Variants in WWOX observed in about 807,000 individuals in gnomAD.
WWOX encodes WW domain containing oxidoreductase, also known as WW domain-containing oxidoreductase.
Under a neutral mutation model 46.2 loss-of-function variants are expected in WWOX, and 69 were observed. The ratio of observed to expected loss-of-function variants is 1.49; its 90% CI spans 1.23 to 1.82. The LOEUF (loss-of-function observed/expected upper bound fraction) is 1.82, where lower values mean the gene tolerates loss of function less well. WWOX is among the 40% of genes most tolerant of loss of function. The pLI is 0.00. For synonymous variants in WWOX, 359 were observed against 202.6 expected (o/e 1.77, Z -6.56); for missense variants, 919 against 542.6 (o/e 1.69, Z -6.89).
rs59900108 is a variant in WWOX at position 78,541,473 on chromosome 16, CAAAAAAAAAAAAAAAAA to C, written c.1056+108738_1056+108754del. 1.2e-3 allele frequency among the ~76,000 whole-genome samples: 56 copies of C among 45,146 alleles called. 2 individuals carry two copies. Among genetic ancestry groups the C allele is most frequent in the Non-Finnish European group, 1.6e-3 (46 of 28,890 alleles). The allele number at this position is 45,146 out of a possible 152,430, so 29.6% of individuals were successfully genotyped here. On this transcript the variant is annotated intron_variant, in intron 8 of 8. Transcript: ENST00000566780. ...TGGGCGACAGAGCGAGACTCCGTCT[CAAAAAAAAAAAAAAAAA>C]AAAAAAAAAAAAAAAAGACACGTAC...
intron 8 of WWOX, among the ~76,000 whole-genome samples, chr16:78,964,199 C>G (rs1033785022): frequency 2.0e-5 from 3 of 152,072 alleles, no homozygotes; most frequent in Admixed American, 6.5e-5. Context: ...AACTGGGTAA[C>G]AGGAAGAAGT....
intron 5 of WWOX, among the ~76,000 whole-genome samples, chr16:78,376,772 C>G (rs571169944): frequency 2.2e-4 from 33 of 152,294 alleles, no homozygotes; most frequent in Non-Finnish European, 3.8e-4. Context: ...AGAATGGCCT[C>G]TGGTTGAGAA....
At chr16:78,860,561 T>G (rs896797266) in intron 8 of WWOX, among the ~76,000 whole-genome samples, 2 of 152,186 alleles carry the variant, frequency 1.3e-5, no homozygotes, top group African/African-American at 4.8e-5. Flanking sequence ...GGAAAGATAC[T>G]GTGAAAAAGA....
intron 8 of WWOX, among the ~76,000 whole-genome samples, chr16:79,050,283 C>T (rs1371968202): frequency 6.6e-6 from 1 of 152,176 alleles, no homozygotes; most frequent in East Asian, 1.9e-4. Flanking sequence ...ATCTTTGCAT[C>T]AGCTGGGCTT....
chr16:78,798,089 C>CA (rs2050791189), intron 8 of WWOX, among the ~76,000 whole-genome samples: 1 of 152,144 alleles, frequency 6.6e-6, no homozygotes, highest in Non-Finnish European at 1.5e-5. Context: ...AGCTGAGGTT[C>CA]AGAGAGATGG....
At chr16:78,746,466 C>G (rs2049349107) in intron 8 of WWOX, among the ~76,000 whole-genome samples, 1 of 152,170 alleles carries the variant, frequency 6.6e-6, no homozygotes, top group Non-Finnish European at 1.5e-5. Context: ...CCACTACACT[C>G]CAGTACACTC....
At chr16:78,511,815 C>T (rs1473026459) in intron 8 of WWOX, among the ~76,000 whole-genome samples, 3 of 152,128 alleles carry the variant, frequency 2.0e-5, no homozygotes, top group African/African-American at 7.2e-5. Context: ...CATGGGATGG[C>T]TTTTGTCAGA....
chr16:78,674,062 C>G (rs933115244), intron 8 of WWOX, among the ~76,000 whole-genome samples: 5 of 152,024 alleles, frequency 3.3e-5, no homozygotes, highest in African/African-American at 7.2e-5. Context: ...GGAACCGACT[C>G]AAAGAGAAAT....
chr16:78,792,392 TAAA>T (rs1444118732), intron 8 of WWOX, among the ~76,000 whole-genome samples: 1 of 152,084 alleles, frequency 6.6e-6, no homozygotes, highest in African/African-American at 2.4e-5. Context: ...GGCAGAAACA[TAAA>T]AAGCTCGGAG....
rs534450998 is a variant in WWOX at position 78,317,370 on chromosome 16, C to A, written c.517-69490C>A. Among the ~76,000 whole-genome samples, 22 of 152,228 alleles carry A rather than the reference C, an allele frequency of 1.4e-4. 1 individual carries two copies. The South Asian group carries it at 3.1e-3, about 22-fold the overall frequency. On this transcript the variant is annotated intron_variant, in intron 5 of 8. Coordinates refer to ENST00000566780, the MANE Select transcript of WWOX (RefSeq NM_016373.4). Reference sequence around the variant, plus strand: ...TCCCCAGGGGTGATTGTGTTTGTTACAGTGTGATGGAGACTGGATACTGCA... The same window carrying A: ...TCCCCAGGGGTGATTGTGTTTGTTAAAGTGTGATGGAGACTGGATACTGCA...
At chr16:78,613,563 C>T (rs935850190) in intron 8 of WWOX, among the ~76,000 whole-genome samples, 2 of 152,150 alleles carry the variant, frequency 1.3e-5, no homozygotes, top group African/African-American at 2.4e-5. Context: ...GGAATTGACC[C>T]ATAGTGGGTG....
intron 8 of WWOX, among the ~76,000 whole-genome samples, chr16:78,528,430 T>A (rs536068464): frequency 6.6e-6 from 1 of 152,010 alleles, no homozygotes; most frequent in Non-Finnish European, 1.5e-5. Flanking sequence ...AAGTGGCTCG[T>A]ATTCAAGGTG....
intron 8 of WWOX, among the ~76,000 whole-genome samples, chr16:78,674,327 C>T (rs1201464826): frequency 6.6e-6 from 1 of 151,500 alleles, no homozygotes; most frequent in Non-Finnish European, 1.5e-5. Flanking sequence ...CTCTTTTCCC[C>T]AGGCTGGAGT....
chr16:78,289,829 G>A (rs1419959702), intron 5 of WWOX, among the ~76,000 whole-genome samples: 2 of 151,932 alleles, frequency 1.3e-5, no homozygotes, highest in East Asian at 3.9e-4. Context: ...AACGCCGTTT[G>A]CTTGATAGGT....
intron 8 of WWOX, among the ~76,000 whole-genome samples, chr16:79,069,837 A>G (rs1443584284): frequency 1.3e-5 from 2 of 152,176 alleles, no homozygotes; most frequent in Non-Finnish European, 2.9e-5. Context: ...AGTCTCAGAT[A>G]AGAGCTCTAT....
At chr16:79,067,450 C>CATA in intron 8 of WWOX, among the ~76,000 whole-genome samples, 1 of 152,124 alleles carries the variant, frequency 6.6e-6, no homozygotes, top group African/African-American at 2.4e-5. Flanking sequence ...GTTTGGGCTT[C>CATA]CCTCCACCTG....
intron 5 of WWOX, among the ~76,000 whole-genome samples, chr16:78,310,907 T>C (rs1011412131): frequency 1.3e-5 from 2 of 152,168 alleles, no homozygotes; most frequent in African/African-American, 4.8e-5. Context: ...GTTGTCACGA[T>C]GTACAGGAGC....
chr16:78,971,546 T>C lies in WWOX; in HGVS notation c.1057-240062T>C, dbSNP rs997081426. On this transcript the variant is annotated intron_variant, in intron 8 of 8. Coordinates refer to ENST00000566780, the MANE Select transcript of WWOX (RefSeq NM_016373.4). ...GCCATGGAAAGAGAATGGAGCACTC[T>C]AATGGATCCCTGACGGGTCAAATGG... Among the ~76,000 whole-genome samples, 3 of 151,220 alleles carry C rather than the reference T, an allele frequency of 2.0e-5. No individual in the cohort carries two copies. The East Asian group carries it at 5.9e-4, about 30-fold the overall frequency.
intron 5 of WWOX, among the ~76,000 whole-genome samples, chr16:78,252,637 C>T (rs541231339): frequency 5.9e-5 from 9 of 152,202 alleles, no homozygotes; most frequent in Admixed American, 2.0e-4. Context: ...TTCTAGAATA[C>T]ATCTTACCAG....
Sources: gnomAD v4.1 joint callset for allele counts (sites outside exome capture counted in the v4.1 genomes callset) on GRCh38, gnomAD v4.1.1 for gene constraint, MANE v1.5 for transcripts, NCBI Gene and HGNC (gene_info 2026-07-23, HGNC 2026-07-21) for gene names.